RHD: variants seen among roughly 807,000 people sequenced by gnomAD.
RHD encodes blood group Rh(D) polypeptide.
In RHD, 16 loss-of-function variants were observed where a neutral mutation model predicts 45.5. The observed-to-expected ratio is 0.35, with a 90% confidence interval of 0.24 to 0.53. The LOEUF is 0.53. Among genes scored for constraint, RHD ranks in the 20% least tolerant of loss-of-function variants. The pLI is 0.92. For missense variants in RHD, 306 were observed against 532.0 expected, an observed-to-expected ratio of 0.58 and a Z score of 4.18; for synonymous variants, 131 against 217.5, an observed-to-expected ratio of 0.60 and a Z score of 3.50.
At position 25,281,804 on chromosome 1, in the gene RHD, G is replaced by A. The variant is rs371954961; in HGVS notation, c.149-2769G>A. On this transcript the variant is annotated intron_variant, in intron 1 of 9. Coordinates refer to ENST00000328664, the MANE Select transcript of RHD (RefSeq NM_016124.6). Reference sequence around the variant, plus strand: ...CCCAGGTCCCATGGAGGTCCTTGGGGGCCTCCTATATCCTGGTGGTGTCAG... The same window carrying A: ...CCCAGGTCCCATGGAGGTCCTTGGGAGCCTCCTATATCCTGGTGGTGTCAG... Among the ~76,000 whole-genome samples the A allele has an allele frequency of 2.9e-4, 39 of 132,468 alleles. 10 individuals are homozygous for A. The highest frequency in any genetic ancestry group is 1.0e-3 in the Admixed American group (14 of 13,608). The allele number at this position is 132,468 out of a possible 152,430, so 86.9% of individuals were successfully genotyped here. A position where few individuals can be genotyped will look rare whatever the true frequency, so the allele number is the denominator to read the frequency against.
Position 25,301,044 on chromosome 1 carries a change from G to A in RHD, c.585G>A (p.Thr195=). ...TGCCAAAGCCTCTACCCGAGGGAAC[G>A]GAGGATAAAGATCAGACAGCAACGA... ...WCLPKPLPEG[T]EDKDQTATIP... is the part of the protein sequence containing the mutation. Residue 195 remains threonine (T), a synonymous_variant, in exon 4 of 10, where the codon ACG becomes ACA. Transcript: ENST00000328664. 1.5e-6 allele frequency: 2 copies of A among 1,377,384 alleles called. No individual in the cohort carries two copies. Among genetic ancestry groups the A allele is most frequent in the East Asian group, 4.5e-5 (2 of 44,618 alleles). 85.3% of individuals were successfully genotyped at this position (1,377,384 alleles called of 1,614,324 possible).
At chr1:25,317,894 A>G (rs542410341) in intron 8 of RHD, among the ~76,000 whole-genome samples, 9 of 116,292 alleles carry the variant, frequency 7.7e-5, no homozygotes, top group Admixed American at 5.1e-4. Context: ...AGTGAGGAGC[A>G]GGCCCTTATA....
chr1:25,274,624 A>C (rs147957492), intron 1 of RHD, among the ~76,000 whole-genome samples: 2,976 of 133,568 alleles, frequency 0.022, 795 homozygotes, highest in Non-Finnish European at 0.039. Context: ...AGGGTCATCC[A>C]AGTGAGGGCA....
At chr1:25,291,464 C>T (rs1642501280) in intron 3 of RHD, among the ~76,000 whole-genome samples, 1 of 130,572 alleles carries the variant, frequency 7.7e-6, no homozygotes, top group African/African-American at 2.6e-5. Flanking sequence ...AGCAAGACTT[C>T]ATCTCAAATT....
intron 3 of RHD, among the ~76,000 whole-genome samples, chr1:25,297,131 C>T (rs192974801): frequency 0.016 from 1,770 of 112,788 alleles, 227 homozygotes; most frequent in African/African-American, 0.048. Context: ...TAAATTCCAT[C>T]AATCTGGAGC....
At position 25,278,205 on chromosome 1, in the gene RHD, G is replaced by T. The variant is rs535115040; in HGVS notation, c.148+5510G>T. On this transcript the variant is annotated intron_variant, in intron 1 of 9. Coordinates refer to ENST00000328664, the MANE Select transcript of RHD (RefSeq NM_016124.6). ...CTGTACTTGATGAAAAGAGTGGGGA[G>T]TTAAGGCTGGCTGCAGATGTATGAT... 6.3e-4 allele frequency among the ~76,000 whole-genome samples: 82 copies of T among 129,982 alleles called. 6 individuals are homozygous for T. The highest frequency in any genetic ancestry group is 1.8e-3 in the African/African-American group (69 of 38,200). The allele number at this position is 129,982 out of a possible 152,430, so 85.3% of individuals were successfully genotyped here.
chr1:25,275,870 C>G (rs191122253), intron 1 of RHD, among the ~76,000 whole-genome samples: 1 of 131,650 alleles, frequency 7.6e-6, no homozygotes, highest in Admixed American at 7.4e-5. Flanking sequence ...ACAGCTTGTA[C>G]GAGGAGAAGT....
Position 25,306,823 on chromosome 1 carries a change from G to A in RHD, c.1073+94G>A, listed in dbSNP as rs533903485. 337 of 1,119,504 alleles carry A rather than the reference G, an allele frequency of 3.0e-4. 56 individuals are homozygous for A. In the African/African-American group the frequency reaches 4.0e-3, roughly 13 times the overall value. The allele number at this position is 1,119,504 out of a possible 1,614,324, so 69.3% of individuals were successfully genotyped here. A position where few individuals can be genotyped will look rare whatever the true frequency, so the allele number is the denominator to read the frequency against. On this transcript the variant is annotated intron_variant, in intron 7 of 9. Coordinates refer to ENST00000328664, the MANE Select transcript of RHD (RefSeq NM_016124.6). Reference sequence around the variant, plus strand: ...GTCCTTAGCTGGGGCGTGTGCACTCGGGGCCAGGTGCTCAGTAGGCTTCGG... The same window carrying A: ...GTCCTTAGCTGGGGCGTGTGCACTCAGGGCCAGGTGCTCAGTAGGCTTCGG...
At chr1:25,282,752 C>T (rs60146810) in intron 1 of RHD, among the ~76,000 whole-genome samples, 9,692 of 130,130 alleles carry the variant, frequency 0.074, 2,116 homozygotes, top group African/African-American at 0.24. Context: ...ATTAGCCAGG[C>T]GTGGTGGCGC....
chr1:25,313,920 A>T (rs1318137347), intron 7 of RHD, among the ~76,000 whole-genome samples: 2 of 133,240 alleles, frequency 1.5e-5, no homozygotes, highest in Non-Finnish European at 3.6e-5. Context: ...AGAATCTAAG[A>T]AAAGATAGTT....
intron 7 of RHD, among the ~76,000 whole-genome samples, chr1:25,310,856 T>C (rs183876008): frequency 8.2e-4 from 106 of 129,138 alleles, no homozygotes; most frequent in Non-Finnish European, 1.4e-3. Flanking sequence ...ACCTGTAATC[T>C]CAGCTACTCA....
chr1:25,310,973 C>CAA (rs1158185993), intron 7 of RHD, among the ~76,000 whole-genome samples: 3 of 74,612 alleles, frequency 4.0e-5, no homozygotes, highest in African/African-American at 9.2e-5. Flanking sequence ...AACTCCATCT[C>CAA]AAAAAAAAAA....
chr1:25,293,225 C>T (rs1167019398), intron 3 of RHD, among the ~76,000 whole-genome samples: 1 of 129,442 alleles, frequency 7.7e-6, no homozygotes, highest in Non-Finnish European at 1.8e-5. Context: ...GGCAATAATC[C>T]GATAGAGAGG....
chr1:25,318,591 A>G (rs1644535553), intron 8 of RHD, among the ~76,000 whole-genome samples: 1 of 131,530 alleles, frequency 7.6e-6, no homozygotes, highest in African/African-American at 2.6e-5. Context: ...GTCTCAAAAA[A>G]AAAAGAAAGA....
chr1:25,294,057 C>T, intron 3 of RHD: 1 of 664,086 alleles, frequency 1.5e-6, no homozygotes, highest in East Asian at 2.5e-5. Flanking sequence ...GAAGGCTGTC[C>T]ACCAATGGGC....
chr1:25,283,278 C>G (rs1447948797), intron 1 of RHD, among the ~76,000 whole-genome samples: 1 of 132,178 alleles, frequency 7.6e-6, no homozygotes, highest in Admixed American at 7.4e-5. Context: ...TGTCTGTAAT[C>G]CCATCACTTT....
In RHD at chr1:25,299,355, C is replaced by A. The variant is rs1452255239; in HGVS notation, c.487-1591C>A. ...CAAGATGGCACCAGTGCACTCTAGC[C>A]TGGCGACAGAGTGAGACTCCGTCTC... On this transcript the variant is annotated intron_variant, in intron 3 of 9. Coordinates refer to ENST00000328664, the MANE Select transcript of RHD (RefSeq NM_016124.6). 7.6e-5 allele frequency among the ~76,000 whole-genome samples: 10 copies of A among 130,844 alleles called. 3 individuals carry two copies. Among genetic ancestry groups the A allele is most frequent in the Non-Finnish European group, 1.6e-4 (9 of 55,578 alleles). 85.8% of individuals were successfully genotyped at this position (130,844 alleles called of 152,430 possible). A position where few individuals can be genotyped will look rare whatever the true frequency, so the allele number is the denominator to read the frequency against.
Position 25,321,184 on chromosome 1 carries a change from A to C in RHD, c.1154-705A>C, listed in dbSNP as rs182724945. Among the ~76,000 whole-genome samples, 330 of 129,976 alleles carry C rather than the reference A, an allele frequency of 2.5e-3. 43 individuals are homozygous for C. Among genetic ancestry groups the C allele is most frequent in the African/African-American group, 8.2e-3 (315 of 38,376 alleles). 85.3% of individuals were successfully genotyped at this position (129,976 alleles called of 152,430 possible). ...TCCCAGGAGTTGACTGGAGCCAGAG[A>C]AGACAGACCTATAGGAGCACCCAAT... On this transcript the variant is annotated intron_variant, in intron 8 of 9. Transcript: ENST00000328664.
rs1329325308 is a variant in RHD at position 25,311,974 on chromosome 1, C to T, written c.1074-5026C>T. On this transcript the variant is annotated intron_variant, in intron 7 of 9. Transcript: ENST00000328664. ...AGTGGAGCTACAAGGGTGGGGCCAC[C>T]GCCAAGACCCCAGAATGGTAGAGCT... 5.5e-5 allele frequency among the ~76,000 whole-genome samples: 7 copies of T among 126,950 alleles called. 2 individuals are homozygous for T. Among genetic ancestry groups the T allele is most frequent in the Admixed American group, 1.5e-4 (2 of 13,194 alleles). The allele number at this position is 126,950 out of a possible 152,430, so 83.3% of individuals were successfully genotyped here.
Sources: allele counts gnomAD v4.1 joint callset (sites outside exome capture counted in the v4.1 genomes callset), GRCh38; gene constraint gnomAD v4.1.1; transcripts MANE v1.5; gene names NCBI Gene and HGNC (gene_info 2026-07-23, HGNC 2026-07-21).